Variants in IARS1 observed in about 807,000 individuals in gnomAD.
IARS1 encodes isoleucyl-tRNA synthetase 1, also known as isoleucine--tRNA ligase, cytoplasmic.
IARS1 carries 124 observed loss-of-function variants against 168.2 expected under a neutral mutation model. The observed-to-expected ratio is 0.74, with a 90% CI of 0.64 to 0.86. The LOEUF (loss-of-function observed/expected upper bound fraction) is 0.86, where lower values mean the gene tolerates loss of function less well. IARS1 is among the 40% of genes least tolerant of loss of function. The pLI is 0.00. For synonymous variants in IARS1, 532 were observed against 529.4 expected (o/e 1.00, Z -0.07); for missense variants, 1,452 against 1,515.8 (o/e 0.96, Z 0.70).
chr9:92,244,281 C>T (rs974582587), intron 27 of IARS1, among the ~76,000 whole-genome samples: 9 of 152,162 alleles, frequency 5.9e-5, no homozygotes, highest in African/African-American at 1.9e-4. Context: ...TGTCTTCCCA[C>T]GTAGAGTTCT....
In IARS1 at chr9:92,256,828, G is replaced by A. The variant is rs368349577; in HGVS notation, c.2017-28C>T. Reference sequence around the variant, plus strand: ...AGGAAGGAACAATTAATGAAACACTGGCACACTTGGGAAGAAAGTTACTAT... The same window carrying A: ...AGGAAGGAACAATTAATGAAACACTAGCACACTTGGGAAGAAAGTTACTAT... On this transcript the variant is annotated intron_variant, in intron 19 of 33. Coordinates refer to ENST00000443024, the MANE Select transcript of IARS1 (RefSeq NM_002161.6). 3.2e-4 allele frequency: 512 copies of A among 1,589,922 alleles called. 8 individuals carry two copies. In the South Asian group the frequency reaches 4.8e-3, roughly 15 times the overall value.
At position 92,280,804 on chromosome 9, in the gene IARS1, A is replaced by G. The variant is rs750698933; in HGVS notation, c.687T>C (p.Thr229=). 1 of 1,611,976 alleles carries G rather than the reference A, an allele frequency of 6.2e-7. No homozygotes were observed. The highest frequency in any genetic ancestry group is 1.1e-5 in the South Asian group (1 of 90,966). The change falls in exon 7 of 34, where the codon ACT becomes ACC. Residue 229 remains threonine, a synonymous_variant. Transcript: ENST00000443024. ...SLVAWTTTPW[T]LPSNLAVCVN... ...CACACACAGCAAGGTTACTAGGTAG[A>G]GTCCAGGGAGTGGTTGTCCAAGCAA...
rs564611225 is a variant in IARS1, at chr9:92,280,522, A to T, written c.745+224T>A. Among the ~76,000 whole-genome samples, 84 of 152,354 alleles carry T rather than the reference A, an allele frequency of 5.5e-4. 1 individual carries two copies. The highest frequency in any genetic ancestry group is 1.5e-3 in the African/African-American group (62 of 41,586). ...AATGTACTATAAACTGGAAATTATAAGAAAATTTTATGTTCTACTTTTTAT... is the reference window on the plus strand; with the variant it reads ...AATGTACTATAAACTGGAAATTATATGAAAATTTTATGTTCTACTTTTTAT... On this transcript the variant is annotated intron_variant, in intron 7 of 33. Coordinates refer to ENST00000443024, the MANE Select transcript of IARS1 (RefSeq NM_002161.6).
chr9:92,233,839 G>A (rs1196383303), intron 30 of IARS1, among the ~76,000 whole-genome samples: 1 of 152,104 alleles, frequency 6.6e-6, no homozygotes, highest in East Asian at 1.9e-4. Context: ...ATGGCTCACT[G>A]CAGCCTCCAT....
At chr9:92,266,825 A>C (rs1156741392) in intron 14 of IARS1, among the ~76,000 whole-genome samples, 1 of 152,150 alleles carries the variant, frequency 6.6e-6, no homozygotes, top group Admixed American at 6.5e-5. Context: ...GGTCCTCCCC[A>C]CATGCAGATG....
In IARS1 at chr9:92,271,018, G is replaced by A. The variant is rs144615415; in HGVS notation, c.1172C>T (p.Thr391Ile). Residue 391 changes from threonine (T) to isoleucine (I), a missense_variant, in exon 12 of 34, where the codon ACC (threonine) becomes ATC (isoleucine). Physicochemically the swap from Thr to Ile is moderately conservative, Grantham distance 89 (BLOSUM62 -1). Transcript: ENST00000443024. ...AAAAGGGTAGCTGTGAGTGAAGGTG[G>A]TGGCAACCAGAAGTCGGCCTTGTTC... is the stretch of plus-strand genomic sequence containing the variant. ...LKEQGRLLVA[T>I]TFTHSYPFCW... is the part of the protein sequence containing the mutation. The A allele has an allele frequency of 1.1e-5, 17 of 1,612,180 alleles. No individual in the cohort carries two copies. Among genetic ancestry groups the A allele is most frequent in the Non-Finnish European group, 1.4e-5 (16 of 1,179,060 alleles).
intron 33 of IARS1, among the ~76,000 whole-genome samples, chr9:92,212,401 C>A (rs1837907380): frequency 6.6e-6 from 1 of 152,166 alleles, no homozygotes; most frequent in Admixed American, 6.5e-5. Flanking sequence ...TTCTCACCCA[C>A]TAAACTTTTG....
chr9:92,249,771 TAG>T (rs1316981333), intron 25 of IARS1, 85 bp downstream of exon 25: 16 of 649,748 alleles, frequency 2.5e-5, no homozygotes, highest in South Asian at 1.1e-4. Flanking sequence ...AAATAAATTA[TAG>T]AGTCAATATG....
chr9:92,270,464 A>T (rs184726719), intron 12 of IARS1, among the ~76,000 whole-genome samples: 1 of 152,290 alleles, frequency 6.6e-6, no homozygotes, highest in Admixed American at 6.5e-5. Flanking sequence ...TTTTTCTCTC[A>T]CAGTTCCTTA....
chr9:92,256,735 C>T lies in IARS1; in HGVS notation c.2082G>A (p.Arg694=), dbSNP rs1830779903. 2 of 1,613,936 alleles carry T rather than the reference C, an allele frequency of 1.2e-6. No homozygotes were observed. The highest frequency in any genetic ancestry group is 1.7e-6 in the Non-Finnish European group (2 of 1,179,844). Residue 694 remains arginine, a synonymous_variant, in exon 20 of 34, where the codon CGG becomes CGA. Transcript: ENST00000443024. Reference sequence around the variant, plus strand: ...GAGACTGCATGAAGGACAGGATCCACCGGTCTGTAATGTTGGGGCTTTCTC... The same window carrying T: ...GAGACTGCATGAAGGACAGGATCCATCGGTCTGTAATGTTGGGGCTTTCTC... The part of the protein sequence containing the change: ...TVRESPNITD[R]WILSFMQSLI...
At chr9:92,286,828 A>G (rs989296824) in intron 4 of IARS1, among the ~76,000 whole-genome samples, 2 of 152,266 alleles carry the variant, frequency 1.3e-5, no homozygotes, top group Non-Finnish European at 2.9e-5. Flanking sequence ...AATGTTATTT[A>G]CAAGTATAAA....
At chr9:92,252,035 C>A in intron 21 of IARS1, 150 bp from the exon 22 acceptor site, 1 of 659,916 alleles carries the variant, frequency 1.5e-6, no homozygotes, top group Non-Finnish European at 2.6e-6. Context: ...GCCACGACCA[C>A]AGGCCATCCA....
intron 31 of IARS1, among the ~76,000 whole-genome samples, chr9:92,226,658 C>T (rs891903714): frequency 6.6e-6 from 1 of 152,076 alleles, no homozygotes; most frequent in Non-Finnish European, 1.5e-5. Context: ...AACCTGTAGG[C>T]GAATTCTTTT....
intron 27 of IARS1, among the ~76,000 whole-genome samples, chr9:92,243,839 A>G (rs1381686707): frequency 6.6e-6 from 1 of 152,204 alleles, no homozygotes; most frequent in African/African-American, 2.4e-5. Context: ...TTAAACTGCC[A>G]TATTTTTGCT....
chr9:92,258,345 C>A (rs894336216), intron 19 of IARS1, among the ~76,000 whole-genome samples: 2 of 152,214 alleles, frequency 1.3e-5, no homozygotes, highest in Non-Finnish European at 2.9e-5. Flanking sequence ...GTAATCCCAG[C>A]ACTTTTGGGA....
chr9:92,247,062 T>C (rs1398222738), intron 26 of IARS1, among the ~76,000 whole-genome samples: 1 of 152,014 alleles, frequency 6.6e-6, no homozygotes, highest in Non-Finnish European at 1.5e-5. Flanking sequence ...GGCATGGTAC[T>C]ACGTGCCTGT....
At chr9:92,248,465 G>T (rs1277555580) in intron 25 of IARS1, among the ~76,000 whole-genome samples, 1 of 151,658 alleles carries the variant, frequency 6.6e-6, no homozygotes, top group Non-Finnish European at 1.5e-5. Context: ...TTGAGCTCAG[G>T]AGTTAGAGAC....
chr9:92,218,077 T>C (rs1028497890), intron 33 of IARS1, among the ~76,000 whole-genome samples: 2 of 152,120 alleles, frequency 1.3e-5, no homozygotes, highest in African/African-American at 4.8e-5. Context: ...TTATCCACCA[T>C]GATCAAGTGG....
At position 92,260,176 on chromosome 9, in the gene IARS1, G is replaced by C; in HGVS notation, c.1846C>G (p.Gln616Glu). The change falls in exon 18 of 34, where the codon CAG becomes GAG. Residue 616 changes from glutamine to glutamate, a missense_variant. Physicochemically the swap from Gln to Glu is conservative, Grantham distance 29. Transcript: ENST00000443024. ...CTGAGGGCATCAGCACCATACTTCT[G>C]GATGATGGAAACTGGATCTGGATAA... Reference protein sequence around the residue: ...KNYPDPVSIIQKYGADALRLY... With the variant: ...KNYPDPVSIIEKYGADALRLY... The C allele has an allele frequency of 1.9e-6, 3 of 1,613,980 alleles. No individual in the cohort carries two copies. The highest frequency in any genetic ancestry group is 1.7e-6 in the Non-Finnish European group (2 of 1,179,878).
Sources: allele counts gnomAD v4.1 joint callset (sites outside exome capture counted in the v4.1 genomes callset), GRCh38; gene constraint gnomAD v4.1.1; transcripts MANE v1.5; gene names NCBI Gene and HGNC (gene_info 2026-07-23, HGNC 2026-07-21).